Variants in NSFL1C observed in about 807,000 individuals in gnomAD.
The protein encoded by NSFL1C is NSFL1 cofactor p47.
Under a neutral mutation model 43.1 loss-of-function variants are expected in NSFL1C, and 14 were observed. The observed-to-expected ratio is 0.32, with a 90% confidence interval of 0.21 to 0.51. The LOEUF is 0.51. Ranked by LOEUF, NSFL1C falls within the 20% of genes least tolerant of loss-of-function variation. The pLI, the probability that NSFL1C is intolerant of heterozygous loss-of-function variation, is 0.98. For synonymous variants in NSFL1C, 171 were observed against 183.5 expected, an observed-to-expected ratio of 0.93 and a Z score of 0.55; for missense variants, 406 against 472.5, an observed-to-expected ratio of 0.86 and a Z score of 1.30.
chr20:1,452,927 G>C, intron 6 of NSFL1C, 104 bp downstream of exon 6: 3 of 771,152 alleles, frequency 3.9e-6, no homozygotes, highest in Non-Finnish European at 6.9e-6. Context: ...TGCTGAATCT[G>C]CTTCAAACAA....
intron 3 of NSFL1C, among the ~76,000 whole-genome samples, chr20:1,457,376 G>A (rs1447872526): frequency 6.6e-6 from 1 of 152,080 alleles, no homozygotes; most frequent in East Asian, 1.9e-4. Context: ...TTAACAATAT[G>A]AAGTGGATTA....
In NSFL1C at chr20:1,442,208, TAC is replaced by T. The variant is rs988287675; in HGVS notation, c.*1539_*1540del. The T allele has an allele frequency of 5.3e-5, 8 of 152,220 alleles. No individual in the cohort carries two copies. The highest frequency in any genetic ancestry group is 2.1e-4 in the South Asian group (1 of 4,838). 9.4% of individuals were successfully genotyped at this position (152,220 alleles called of 1,614,324 possible). A position where few individuals can be genotyped will look rare whatever the true frequency, so the allele number is the denominator to read the frequency against. On this transcript the variant is annotated 3_prime_UTR_variant, in exon 9 of 9. Coordinates refer to ENST00000216879, the MANE Select transcript of NSFL1C (RefSeq NM_016143.5). The stretch of plus-strand genomic sequence containing the variant: ...TTTAATGGTCAAGGTGACAACAGTG[TAC>T]AGTTTTTCCAGACCCATATGTAGGT...
intron 1 of NSFL1C, among the ~76,000 whole-genome samples, chr20:1,465,562 C>G (rs1465284346): frequency 6.6e-6 from 1 of 152,142 alleles, no homozygotes; most frequent in Non-Finnish European, 1.5e-5. Context: ...GATGCTTTAC[C>G]GAATTCTTAT....
intron 3 of NSFL1C, chr20:1,457,237 A>G (rs2090321250): frequency 6.6e-6 from 1 of 152,222 alleles, no homozygotes; most frequent in African/African-American, 2.4e-5. Context: ...ATACCAAAAA[A>G]TGGATACCTG....
chr20:1,455,658 G>T, intron 3 of NSFL1C: 1 of 779,684 alleles, frequency 1.3e-6, no homozygotes. Context: ...GCACTACTCT[G>T]TGACTCACTT....
intron 3 of NSFL1C, chr20:1,455,890 G>C (rs753262827): frequency 1.5e-6 from 1 of 662,184 alleles, no homozygotes; most frequent in Non-Finnish European, 2.8e-6. Context: ...GGGTACTGGA[G>C]GTCAGAGAAG....
At chr20:1,454,151 C>A (rs2090246224) in intron 5 of NSFL1C, 62 bp downstream of exon 5, 1 of 1,298,810 alleles carries the variant, frequency 7.7e-7, no homozygotes, top group Non-Finnish European at 1.1e-6. Flanking sequence ...TGTAACCAAT[C>A]CCTTCAGAAA....
In NSFL1C at chr20:1,442,427, G is replaced by C. The variant is rs1341215975; in HGVS notation, c.*1322C>G. The C allele has an allele frequency of 6.6e-6, 1 of 152,262 alleles. No homozygotes were observed. Among genetic ancestry groups the C allele is most frequent in the Non-Finnish European group, 1.5e-5 (1 of 68,084 alleles). 9.4% of individuals were successfully genotyped at this position (152,262 alleles called of 1,614,324 possible). A position where few individuals can be genotyped will look rare whatever the true frequency, so the allele number is the denominator to read the frequency against. ...TGTTGGTTCTTGGCTCATTGCAGGGGTGAAGCAGGAAAGAGAAAGAGACTG... is the reference window on the plus strand; with the variant it reads ...TGTTGGTTCTTGGCTCATTGCAGGGCTGAAGCAGGAAAGAGAAAGAGACTG... On this transcript the variant is annotated 3_prime_UTR_variant, in exon 9 of 9. Coordinates refer to ENST00000216879, the MANE Select transcript of NSFL1C (RefSeq NM_016143.5).
chr20:1,451,017 G>C (rs145411394), intron 7 of NSFL1C, among the ~76,000 whole-genome samples: 1 of 152,144 alleles, frequency 6.6e-6, no homozygotes, highest in East Asian at 1.9e-4. Flanking sequence ...GATATTTCTG[G>C]GTGTTAGCTT....
At chr20:1,462,300 T>C (rs559952389) in intron 2 of NSFL1C, among the ~76,000 whole-genome samples, 8 of 152,276 alleles carry the variant, frequency 5.3e-5, no homozygotes, top group African/African-American at 1.4e-4. Flanking sequence ...CCTGAGAATG[T>C]AGTCCTAGCA....
intron 8 of NSFL1C, 80 bp downstream of exon 8, chr20:1,445,586 A>G: frequency 6.6e-7 from 1 of 1,507,032 alleles, no homozygotes; most frequent in South Asian, 1.2e-5. Flanking sequence ...AGGAGGAAGA[A>G]CGGCTCTCTG....
intron 6 of NSFL1C, 126 bp from the exon 7 acceptor site, chr20:1,452,756 T>G (rs1443870386): frequency 1.7e-6 from 2 of 1,176,224 alleles, no homozygotes; most frequent in Non-Finnish European, 2.4e-6. Context: ...GGGAGCAGGC[T>G]ACTCTGGTGG....
chr20:1,443,633 G>A lies in NSFL1C; in HGVS notation c.*116C>T, dbSNP rs1271486455. The stretch of plus-strand genomic sequence containing the variant: ...GATCTAAGAACCCAGAGCTATGGAG[G>A]AGACGTTGCACTGGACTGCTGGGTG... On this transcript the variant is annotated 3_prime_UTR_variant, in exon 9 of 9. Transcript: ENST00000216879. The A allele has an allele frequency of 3.1e-6, 3 of 976,900 alleles. No homozygotes were observed. The highest frequency in any genetic ancestry group is 5.1e-5 in the East Asian group (2 of 39,564). The allele number at this position is 976,900 out of a possible 1,614,324, so 60.5% of individuals were successfully genotyped here.
In NSFL1C at chr20:1,466,673, C is replaced by A. The variant is rs896993190; in HGVS notation, c.105+47G>T. Reference sequence around the variant, plus strand: ...GGGCTTAAGGCACCAGGCGCCCGCTCCCAGCAGTCCCCGGCCCACCCGACA... The same window carrying A: ...GGGCTTAAGGCACCAGGCGCCCGCTACCAGCAGTCCCCGGCCCACCCGACA... On this transcript the variant is annotated intron_variant, in intron 1 of 8. Coordinates refer to ENST00000216879, the MANE Select transcript of NSFL1C (RefSeq NM_016143.5). 21 of 1,506,088 alleles carry A rather than the reference C, an allele frequency of 1.4e-5. No homozygotes were observed. The African/African-American group carries it at 2.9e-4, about 21-fold the overall frequency. 93.3% of individuals were successfully genotyped at this position (1,506,088 alleles called of 1,614,324 possible). A position where few individuals can be genotyped will look rare whatever the true frequency, so the allele number is the denominator to read the frequency against.
chr20:1,445,844 A>G lies in NSFL1C; in HGVS notation c.786-14T>C. ...TGGGGGGCAGTGCTGAGGAGAGAGG[A>G]TGGCATCAGAACACAAGCAGAAACA... is the stretch of plus-strand genomic sequence containing the variant. On this transcript the variant is annotated splice_polypyrimidine_tract_variant and intron_variant, in intron 7 of 8. Transcript: ENST00000216879. The G allele has an allele frequency of 6.2e-7, 1 of 1,613,300 alleles. No homozygotes were observed. Among genetic ancestry groups the G allele is most frequent in the Non-Finnish European group, 8.5e-7 (1 of 1,179,652 alleles).
Position 1,443,670 on chromosome 20 carries a change from G to T in NSFL1C, c.*79C>A, listed in dbSNP as rs1423074274. On this transcript the variant is annotated 3_prime_UTR_variant, in exon 9 of 9. Coordinates refer to ENST00000216879, the MANE Select transcript of NSFL1C (RefSeq NM_016143.5). ...TGGACTGCTGGGTGTGCACAAGGGG[G>T]CAGGAGGGGCGATCCCCATGGGGCA... is the stretch of plus-strand genomic sequence containing the variant. 16 of 1,494,182 alleles carry T rather than the reference G, an allele frequency of 1.1e-5. No homozygotes were observed. Among genetic ancestry groups the T allele is most frequent in the African/African-American group, 2.7e-5 (2 of 72,808 alleles). 92.6% of individuals were successfully genotyped at this position (1,494,182 alleles called of 1,614,324 possible).
intron 7 of NSFL1C, among the ~76,000 whole-genome samples, chr20:1,451,079 T>G (rs1408425635): frequency 6.6e-6 from 1 of 152,150 alleles, no homozygotes; most frequent in Middle Eastern, 3.2e-3. Context: ...GAACATGTAT[T>G]ATTTTAATAA....
chr20:1,463,528 A>G (rs186432522), intron 2 of NSFL1C: 1 of 152,378 alleles, frequency 6.6e-6, no homozygotes, highest in East Asian at 1.9e-4. Flanking sequence ...TTTAAACCTC[A>G]GTTGCCTTTA....
chr20:1,453,269 T>C (rs2122877427), intron 5 of NSFL1C, 129 bp from the exon 6 acceptor site: 1 of 636,134 alleles, frequency 1.6e-6, no homozygotes, highest in Non-Finnish European at 2.9e-6. Flanking sequence ...CACACATATA[T>C]ACATGTGTGC....
Sources: allele counts gnomAD v4.1 joint callset (sites outside exome capture counted in the v4.1 genomes callset), GRCh38; gene constraint gnomAD v4.1.1; transcripts MANE v1.5; gene names NCBI Gene and HGNC (gene_info 2026-07-23, HGNC 2026-07-21).